Variants in ANKRD45 observed in about 807,000 individuals in gnomAD.
ANKRD45 encodes the protein ankyrin repeat domain 45, also known as ankyrin repeat domain-containing protein 45.
ANKRD45 carries 21 observed loss-of-function variants against 28.1 expected under a neutral mutation model. The observed-to-expected ratio is 0.75, with a 90% CI of 0.53 to 1.08. The LOEUF (loss-of-function observed/expected upper bound fraction) is 1.08. Among genes scored for constraint, ANKRD45 ranks in the 50% least tolerant of loss-of-function variants. The pLI, the probability that ANKRD45 is intolerant of heterozygous loss-of-function variation, is 0.00. For synonymous variants in ANKRD45, 86 were observed against 103.9 expected (o/e 0.83, Z 1.05); for missense variants, 261 against 308.7 (o/e 0.85, Z 1.16).
chr1:173,688,517 TTTGC>T, the ANKRD45 span, among the ~76,000 whole-genome samples: 6 of 142,978 alleles, frequency 4.2e-5, no homozygotes, highest in African/African-American at 8.5e-5. Flanking sequence ...CCTCTTCCTC[TTTGC>T]CTCTTCCTCT....
At chr1:173,613,868 G>A (rs1571678918) in intron 5 of ANKRD45, among the ~76,000 whole-genome samples, 2 of 152,326 alleles carry the variant, frequency 1.3e-5, no homozygotes, top group East Asian at 3.9e-4. Context: ...TCAGATTGTT[G>A]CTGTGTCTGT....
chr1:173,704,313 T>C, the ANKRD45 span, among the ~76,000 whole-genome samples: 1 of 152,212 alleles, frequency 6.6e-6, no homozygotes, highest in Non-Finnish European at 1.5e-5. Context: ...GTAGTAAGAA[T>C]TTAATCTTCC....
At chr1:173,701,981 T>C in the ANKRD45 span, among the ~76,000 whole-genome samples, 1 of 152,092 alleles carries the variant, frequency 6.6e-6, no homozygotes, top group Non-Finnish European at 1.5e-5. Context: ...AAAGGAGTGG[T>C]AATGGCATTC....
At chr1:173,652,891 T>C (rs1472897811) in intron 2 of ANKRD45, among the ~76,000 whole-genome samples, 1 of 152,224 alleles carries the variant, frequency 6.6e-6, no homozygotes, top group Non-Finnish European at 1.5e-5. Context: ...TGTAGAGGTG[T>C]TTATAGTATT....
At chr1:173,635,137 T>A (rs1040670069) in intron 3 of ANKRD45, among the ~76,000 whole-genome samples, 1 of 152,052 alleles carries the variant, frequency 6.6e-6, no homozygotes, top group Non-Finnish European at 1.5e-5. Flanking sequence ...TGTTCACTTT[T>A]AAGAAAATTG....
rs1422522675 is a variant in ANKRD45, at chr1:173,623,750, ACAT to A, written c.730+1034_730+1036del. On this transcript the variant is annotated intron_variant, in intron 5 of 5. Coordinates refer to ENST00000333279, the MANE Select transcript of ANKRD45 (RefSeq NM_198493.3). Reference sequence around the variant, plus strand: ...ATAGACTGGGTAAAGAAAATGTGGAACATATATACCATGGAATACTATACAGCC... The same window carrying A: ...ATAGACTGGGTAAAGAAAATGTGGAAATATACCATGGAATACTATACAGCC... 2.6e-5 allele frequency among the ~76,000 whole-genome samples: 4 copies of A among 152,314 alleles called. No homozygotes were observed. In the East Asian group the frequency reaches 7.7e-4, roughly 29 times the overall value.
In ANKRD45 at chr1:173,610,002, A is replaced by G. The variant is rs977042847; in HGVS notation, c.*143T>C. ...CAGAGTCCGGACATAAGCATGCTGA[A>G]CAGGTCAAACAAAACAAGGGCGATG... On this transcript the variant is annotated 3_prime_UTR_variant, in exon 6 of 6. Transcript: ENST00000333279. 8 of 814,674 alleles carry G rather than the reference A, an allele frequency of 9.8e-6. No individual in the cohort carries two copies. The highest frequency in any genetic ancestry group is 8.6e-5 in the African/African-American group (5 of 57,810). The allele number at this position is 814,674 out of a possible 1,614,324, so 50.5% of individuals were successfully genotyped here.
intron 2 of ANKRD45, among the ~76,000 whole-genome samples, chr1:173,653,778 G>A (rs1319928771): frequency 6.6e-6 from 1 of 152,046 alleles, no homozygotes; most frequent in Non-Finnish European, 1.5e-5. Flanking sequence ...GAATCTGGGT[G>A]CTCCTGTATT....
intron 3 of ANKRD45, among the ~76,000 whole-genome samples, chr1:173,640,238 C>T (rs899127002): frequency 1.3e-5 from 2 of 152,050 alleles, no homozygotes; most frequent in African/African-American, 2.4e-5. Context: ...CTCTCCTCTA[C>T]CTTTTCTTCT....
the ANKRD45 span, among the ~76,000 whole-genome samples, chr1:173,698,855 C>T: frequency 6.7e-6 from 1 of 149,890 alleles, no homozygotes; most frequent in Non-Finnish European, 1.5e-5. Flanking sequence ...CACAAAAAAC[C>T]CTTCAAAAAA....
chr1:173,639,159 C>T (rs751136190), intron 3 of ANKRD45, among the ~76,000 whole-genome samples: 11 of 152,160 alleles, frequency 7.2e-5, no homozygotes, highest in Non-Finnish European at 1.3e-4. Flanking sequence ...GTGGCACATA[C>T]AGTTAGAAAA....
chr1:173,613,495 G>A (rs1330935091), intron 5 of ANKRD45, among the ~76,000 whole-genome samples: 15 of 150,334 alleles, frequency 1.0e-4, no homozygotes, highest in East Asian at 3.9e-4. Flanking sequence ...CGCCCCGTCC[G>A]GGAGGGAGGT....
At chr1:173,693,233 G>T in the ANKRD45 span, among the ~76,000 whole-genome samples, 1 of 152,066 alleles carries the variant, frequency 6.6e-6, no homozygotes, top group Non-Finnish European at 1.5e-5. Flanking sequence ...CTGAGAGGTT[G>T]CAGTGAGCTG....
chr1:173,684,111 C>T, the ANKRD45 span, among the ~76,000 whole-genome samples: 5 of 151,838 alleles, frequency 3.3e-5, no homozygotes, highest in Non-Finnish European at 7.4e-5. Context: ...AGCAGCTGAT[C>T]GGAATGAGTT....
At chr1:173,694,239 C>T in the ANKRD45 span, among the ~76,000 whole-genome samples, 1 of 152,090 alleles carries the variant, frequency 6.6e-6, no homozygotes, top group Non-Finnish European at 1.5e-5. Flanking sequence ...TCTTGGCTCA[C>T]TGCAACCTCC....
chr1:173,711,268 C>T, the ANKRD45 span, among the ~76,000 whole-genome samples: 1 of 152,204 alleles, frequency 6.6e-6, no homozygotes, highest in Admixed American at 6.5e-5. Flanking sequence ...GTTGAGGATG[C>T]ACCTGTGACA....
At chr1:173,612,148 G>A (rs959421905) in intron 5 of ANKRD45, among the ~76,000 whole-genome samples, 1 of 152,124 alleles carries the variant, frequency 6.6e-6, no homozygotes, top group Non-Finnish European at 1.5e-5. Flanking sequence ...AGAGGCTGAG[G>A]TGGGAGGATT....
At chr1:173,612,063 G>T (rs1003483397) in intron 5 of ANKRD45, among the ~76,000 whole-genome samples, 2 of 151,980 alleles carry the variant, frequency 1.3e-5, no homozygotes, top group African/African-American at 4.8e-5. Context: ...GGGCAATATG[G>T]CAAAACCCTG....
chr1:173,637,678 C>G (rs1006190470), intron 3 of ANKRD45, among the ~76,000 whole-genome samples: 3 of 152,200 alleles, frequency 2.0e-5, no homozygotes, highest in Admixed American at 6.5e-5. Context: ...GTGGATGCAT[C>G]AGGTTATAAA....
Sources: gnomAD v4.1 joint callset for allele counts (sites outside exome capture counted in the v4.1 genomes callset) on GRCh38, gnomAD v4.1.1 for gene constraint, MANE v1.5 for transcripts, NCBI Gene and HGNC (gene_info 2026-07-23, HGNC 2026-07-21) for gene names.